The following GALNT13 variants were observed in gnomAD, a reference collection of about 807,000 sequenced individuals.
The protein encoded by GALNT13 is polypeptide N-acetylgalactosaminyltransferase 13.
Under a neutral mutation model 64.2 loss-of-function variants are expected in GALNT13, and 28 were observed. The observed-to-expected ratio is 0.44, with a 90% CI of 0.32 to 0.60. The LOEUF is 0.60. Ranked by LOEUF, GALNT13 falls within the 20% of genes least tolerant of loss-of-function variation. GALNT13 has a pLI of 0.05. For synonymous variants in GALNT13, 214 were observed against 224.6 expected, an observed-to-expected ratio of 0.95 and a Z score of 0.42; for missense variants, 577 against 669.8, an observed-to-expected ratio of 0.86 and a Z score of 1.53.
chr2:153,130,627 C>T, the GALNT13 span, among the ~76,000 whole-genome samples: 1 of 152,150 alleles, frequency 6.6e-6, no homozygotes, highest in Admixed American at 6.5e-5. Context: ...ACTCTCCCAC[C>T]TCAGTCTTTG....
At chr2:153,662,638 A>G in the GALNT13 span, among the ~76,000 whole-genome samples, 3 of 152,156 alleles carry the variant, frequency 2.0e-5, no homozygotes, top group Non-Finnish European at 4.4e-5. Flanking sequence ...AAAATCCACT[A>G]CAGTGAATGA....
the GALNT13 span, among the ~76,000 whole-genome samples, chr2:153,764,652 A>T: frequency 6.6e-6 from 1 of 152,236 alleles, no homozygotes; most frequent in African/African-American, 2.4e-5. Flanking sequence ...AGAAATTGGC[A>T]TAAGTAAGGA....
intron 7 of GALNT13, among the ~76,000 whole-genome samples, chr2:154,251,361 A>C (rs1690061380): frequency 6.6e-6 from 1 of 152,192 alleles, no homozygotes. Flanking sequence ...GAATTATTAA[A>C]AAGGATTTAG....
the GALNT13 span, among the ~76,000 whole-genome samples, chr2:153,654,603 C>T: frequency 6.6e-6 from 1 of 151,932 alleles, no homozygotes; most frequent in Non-Finnish European, 1.5e-5. Context: ...TCTGAGGATT[C>T]AACCATCTGA....
chr2:154,159,763 T>A (rs1684627763), intron 4 of GALNT13, among the ~76,000 whole-genome samples: 1 of 152,162 alleles, frequency 6.6e-6, no homozygotes, highest in Non-Finnish European at 1.5e-5. Context: ...TGGGGATTAC[T>A]ACAGTGTGCA....
At chr2:154,393,894 C>T (rs891900225) in intron 9 of GALNT13, among the ~76,000 whole-genome samples, 1 of 150,426 alleles carries the variant, frequency 6.6e-6, no homozygotes, top group African/African-American at 2.4e-5. Context: ...CCGGCTAAAA[C>T]GGTGAAACCC....
intron 4 of GALNT13, among the ~76,000 whole-genome samples, chr2:154,161,267 T>C (rs944166701): frequency 3.3e-5 from 5 of 152,248 alleles, no homozygotes; most frequent in African/African-American, 1.2e-4. Flanking sequence ...GTCTAATAAA[T>C]GCATTCTATA....
chr2:153,520,357 T>C, the GALNT13 span, among the ~76,000 whole-genome samples: 1 of 152,110 alleles, frequency 6.6e-6, no homozygotes, highest in Non-Finnish European at 1.5e-5. Flanking sequence ...CAGGGCATCA[T>C]TTGAGGTTCA....
the GALNT13 span, among the ~76,000 whole-genome samples, chr2:153,634,664 C>T: frequency 2.0e-5 from 3 of 149,948 alleles, no homozygotes; most frequent in Non-Finnish European, 3.0e-5. Context: ...GATTCTTCTG[C>T]CTCAGCCTCC....
At chr2:153,665,501 C>G in the GALNT13 span, among the ~76,000 whole-genome samples, 1 of 152,144 alleles carries the variant, frequency 6.6e-6, no homozygotes. Context: ...CTCCCCCTAT[C>G]TAGCATAGAA....
At chr2:153,266,704 G>A in the GALNT13 span, among the ~76,000 whole-genome samples, 1 of 152,090 alleles carries the variant, frequency 6.6e-6, no homozygotes, top group Admixed American at 6.5e-5. Flanking sequence ...ATTGAACTAG[G>A]TCCCTCCCTT....
rs186038567 is a variant in GALNT13 at position 153,944,607 on chromosome 2, A to T, written c.110A>T (p.Lys37Met). 2 of 1,613,494 alleles carry T rather than the reference A, an allele frequency of 1.2e-6. No individual in the cohort carries two copies. The highest frequency in any genetic ancestry group is 1.7e-6 in the Non-Finnish European group (2 of 1,179,598). ...AGTGAATGTAACAAATGTGATGACA[A>T]GAAGGAGAGATCTCTGCTGCCTGCA... ...YFSECNKCDD[K>M]KERSLLPALR... The change falls in exon 3 of 13, where the codon AAG (lysine) becomes ATG (methionine). Residue 37 changes from lysine (K) to methionine (M), a missense_variant. By Grantham distance (95) the Lys-to-Met change is moderately conservative. This residue lies in a region of GALNT13 where 341 missense variants were observed against 379.3 expected (regional missense o/e 0.90). Coordinates refer to ENST00000392825, the MANE Select transcript of GALNT13 (RefSeq NM_052917.4).
At chr2:154,445,382 A>G (rs1205377256) in intron 12 of GALNT13, among the ~76,000 whole-genome samples, 1 of 152,000 alleles carries the variant, frequency 6.6e-6, no homozygotes, top group Non-Finnish European at 1.5e-5. Context: ...AACATAATTA[A>G]CATCATTTAC....
chr2:154,365,238 G>A (rs1041926263), intron 9 of GALNT13, among the ~76,000 whole-genome samples: 1 of 151,992 alleles, frequency 6.6e-6, no homozygotes. Context: ...TAGTCTCTGG[G>A]TTTCTAAGAA....
At chr2:153,772,243 C>T in the GALNT13 span, among the ~76,000 whole-genome samples, 1 of 152,338 alleles carries the variant, frequency 6.6e-6, no homozygotes, top group South Asian at 2.1e-4. Context: ...GACTGATGTT[C>T]TATAAGCCTG....
chr2:153,914,629 T>C (rs1253535857), intron 2 of GALNT13, among the ~76,000 whole-genome samples: 3 of 152,222 alleles, frequency 2.0e-5, no homozygotes, highest in African/African-American at 4.8e-5. Context: ...TCTGCCTGTA[T>C]TGAGATTTTC....
At chr2:153,688,035 T>C in the GALNT13 span, among the ~76,000 whole-genome samples, 17 of 152,160 alleles carry the variant, frequency 1.1e-4, no homozygotes, top group Non-Finnish European at 2.2e-4. Context: ...ACAGTTATTG[T>C]TGCTGTTAAT....
chr2:153,618,186 C>A, the GALNT13 span, among the ~76,000 whole-genome samples: 1 of 151,748 alleles, frequency 6.6e-6, no homozygotes, highest in South Asian at 2.1e-4. Flanking sequence ...CTGAGTGCTG[C>A]TTTTGCTGTA....
intron 9 of GALNT13, among the ~76,000 whole-genome samples, chr2:154,351,534 T>C (rs1696401869): frequency 6.6e-6 from 1 of 151,596 alleles, no homozygotes; most frequent in African/African-American, 2.4e-5. Context: ...ATACAAAAAA[T>C]TAGCCGGGCA....
Sources: allele counts gnomAD v4.1 joint callset (sites outside exome capture counted in the v4.1 genomes callset), GRCh38; gene constraint gnomAD v4.1.1; regional missense constraint gnomAD v4.1.1; transcripts MANE v1.5; gene names NCBI Gene and HGNC (gene_info 2026-07-23, HGNC 2026-07-21).